Variants in UST observed in about 807,000 individuals in gnomAD.
The protein encoded by UST is uronyl 2-sulfotransferase, also known as chondroitin sulfate 2-O-sulfotransferase.
UST carries 21 observed loss-of-function variants against 45.6 expected under a neutral mutation model. The ratio of observed to expected loss-of-function variants is 0.46; its 90% CI spans 0.33 to 0.66. The LOEUF (loss-of-function observed/expected upper bound fraction) is 0.66. Ranked by LOEUF, UST falls within the 30% of genes least tolerant of loss-of-function variation. The probability of loss-of-function intolerance (pLI) is 0.02; values close to 1 mark genes in which losing one functional copy is unlikely to be tolerated. For missense variants in UST, 463 were observed against 512.4 expected (o/e 0.90, Z 0.93); for synonymous variants, 215 against 200.6 (o/e 1.07, Z -0.61).
chr6:148,924,916 T>C (rs1779783329), intron 2 of UST, among the ~76,000 whole-genome samples: 1 of 152,232 alleles, frequency 6.6e-6, no homozygotes. Flanking sequence ...CAGGCGTGAC[T>C]ATGCCTGCTT....
intron 2 of UST, among the ~76,000 whole-genome samples, chr6:148,910,031 T>C (rs1779442706): frequency 6.6e-6 from 1 of 151,840 alleles, no homozygotes; most frequent in African/African-American, 2.4e-5. Flanking sequence ...GGAAGTTTGC[T>C]TCTTGTTATT....
intron 5 of UST, among the ~76,000 whole-genome samples, chr6:148,990,942 G>A (rs1781339103): frequency 6.6e-6 from 1 of 152,132 alleles, no homozygotes; most frequent in African/African-American, 2.4e-5. Context: ...GTCTCCTGTG[G>A]GCTGGCACTC....
At chr6:148,886,165 T>C (rs772563667) in intron 1 of UST, among the ~76,000 whole-genome samples, 1 of 152,208 alleles carries the variant, frequency 6.6e-6, no homozygotes, top group Non-Finnish European at 1.5e-5. Flanking sequence ...TGCCTGAACA[T>C]GCTCTGGAAA....
intron 1 of UST, among the ~76,000 whole-genome samples, chr6:148,811,495 A>G (rs1777256068): frequency 6.6e-6 from 1 of 152,228 alleles, no homozygotes; most frequent in South Asian, 2.1e-4. Context: ...CATTTTAAAA[A>G]TTGGTCTCAT....
At position 148,966,211 on chromosome 6, in the gene UST, G is replaced by A. The variant is rs182389855; in HGVS notation, c.681+1648G>A. Reference sequence around the variant, plus strand: ...TGCACTCCAGCCTAGGTGCCAGACCGAGACTCCATCTCAAAAAATAATAAT... The same window carrying A: ...TGCACTCCAGCCTAGGTGCCAGACCAAGACTCCATCTCAAAAAATAATAAT... On this transcript the variant is annotated intron_variant, in intron 5 of 7. Coordinates refer to ENST00000367463, the MANE Select transcript of UST (RefSeq NM_005715.3). 3.5e-3 allele frequency among the ~76,000 whole-genome samples: 526 copies of A among 150,466 alleles called. 3 individuals carry two copies. The highest frequency in any genetic ancestry group is 0.012 in the African/African-American group (478 of 40,716).
At chr6:148,796,774 A>G (rs1191555707) in intron 1 of UST, among the ~76,000 whole-genome samples, 1 of 150,978 alleles carries the variant, frequency 6.6e-6, no homozygotes, top group Non-Finnish European at 1.5e-5. Flanking sequence ...TTGCCCTTTA[A>G]AAACCAACTT....
At chr6:148,749,899 G>A (rs1325564934) in intron 1 of UST, among the ~76,000 whole-genome samples, 1 of 152,102 alleles carries the variant, frequency 6.6e-6, no homozygotes, top group Non-Finnish European at 1.5e-5. Context: ...GAATACCCTT[G>A]GCCAAATTTG....
At chr6:148,986,916 C>T (rs999748440) in intron 5 of UST, among the ~76,000 whole-genome samples, 1 of 152,240 alleles carries the variant, frequency 6.6e-6, no homozygotes, top group African/African-American at 2.4e-5. Flanking sequence ...TGCTCAGTAA[C>T]TATTCACTGT....
intron 1 of UST, among the ~76,000 whole-genome samples, chr6:148,850,299 G>A (rs112476922): frequency 2.8e-4 from 43 of 152,250 alleles, no homozygotes; most frequent in South Asian, 8.3e-4. Context: ...CTGGACCAGC[G>A]TCTGCTCTTA....
intron 5 of UST, among the ~76,000 whole-genome samples, chr6:149,009,212 A>G (rs982268785): frequency 6.6e-6 from 1 of 152,236 alleles, no homozygotes; most frequent in Admixed American, 6.5e-5. Context: ...TATGATTGTC[A>G]TGATCAAAAA....
In UST at chr6:148,959,359, T is replaced by A. The variant is rs146700476; in HGVS notation, c.528-5051T>A. 2.7e-3 allele frequency among the ~76,000 whole-genome samples: 404 copies of A among 152,352 alleles called. 1 individual carries two copies. Among genetic ancestry groups the A allele is most frequent in the African/African-American group, 9.5e-3 (393 of 41,578 alleles). ...TTCTGTGCCCTTCAAATCTCTTATCTTTTGACAGACACTGCAAACTCTGAA... is the reference window on the plus strand; with the variant it reads ...TTCTGTGCCCTTCAAATCTCTTATCATTTGACAGACACTGCAAACTCTGAA... On this transcript the variant is annotated intron_variant, in intron 4 of 7. Coordinates refer to ENST00000367463, the MANE Select transcript of UST (RefSeq NM_005715.3).
At chr6:149,003,018 T>G (rs560826250) in intron 5 of UST, among the ~76,000 whole-genome samples, 1 of 152,336 alleles carries the variant, frequency 6.6e-6, no homozygotes, top group East Asian at 1.9e-4. Context: ...TAATTCATAA[T>G]GTAATTAAAG....
intron 7 of UST, among the ~76,000 whole-genome samples, chr6:149,051,797 G>C (rs562121748): frequency 3.9e-5 from 6 of 152,244 alleles, no homozygotes; most frequent in Non-Finnish European, 5.9e-5. Flanking sequence ...AAGTGTTTCA[G>C]ATGCTGCAGT....
chr6:148,943,365 G>T (rs924940407), intron 3 of UST, among the ~76,000 whole-genome samples: 4 of 152,166 alleles, frequency 2.6e-5, no homozygotes. Flanking sequence ...TTCAGGAATT[G>T]TTAGAAGAAA....
chr6:148,869,877 A>T (rs920740228), intron 1 of UST, among the ~76,000 whole-genome samples: 3 of 152,198 alleles, frequency 2.0e-5, no homozygotes, highest in African/African-American at 7.2e-5. Context: ...CAGTCACACC[A>T]GGCCATGGGC....
intron 1 of UST, among the ~76,000 whole-genome samples, chr6:148,869,951 T>C (rs1778516910): frequency 6.6e-6 from 1 of 152,198 alleles, no homozygotes; most frequent in Admixed American, 6.5e-5. Context: ...TTTAAAATTA[T>C]GTGTGCATTG....
chr6:148,864,882 G>A (rs1309892236), intron 1 of UST, among the ~76,000 whole-genome samples: 2 of 152,220 alleles, frequency 1.3e-5, no homozygotes, highest in Non-Finnish European at 2.9e-5. Flanking sequence ...TCAGTATTCA[G>A]AAAGGCTGAT....
chr6:148,907,877 A>G (rs1779394324), intron 2 of UST, among the ~76,000 whole-genome samples: 1 of 141,934 alleles, frequency 7.0e-6, no homozygotes, highest in Non-Finnish European at 1.5e-5. Context: ...GTCCATTTGT[A>G]ATTTATGTCA....
chr6:148,846,740 G>C (rs1485370035), intron 1 of UST, among the ~76,000 whole-genome samples: 1 of 152,254 alleles, frequency 6.6e-6, no homozygotes, highest in Non-Finnish European at 1.5e-5. Context: ...CAATAAATAT[G>C]ATGCACATGA....
Sources: gnomAD v4.1 joint callset for allele counts (sites outside exome capture counted in the v4.1 genomes callset) on GRCh38, gnomAD v4.1.1 for gene constraint, MANE v1.5 for transcripts, NCBI Gene and HGNC (gene_info 2026-07-23, HGNC 2026-07-21) for gene names.